Variants in PRC1 observed in about 807,000 individuals in gnomAD.
The protein encoded by PRC1 is protein regulator of cytokinesis 1.
Under a neutral mutation model 91.2 loss-of-function variants are expected in PRC1, and 54 were observed. The ratio of observed to expected loss-of-function variants is 0.59; its 90% CI spans 0.48 to 0.74. PRC1 has a LOEUF of 0.74. PRC1 is among the 30% of genes least tolerant of loss of function. The pLI is 0.00. For missense variants in PRC1, 727 were observed against 746.2 expected, an observed-to-expected ratio of 0.97 and a Z score of 0.30; for synonymous variants, 275 against 263.6, an observed-to-expected ratio of 1.04 and a Z score of -0.42.
chr15:90,969,627 C>A lies in PRC1; in HGVS notation c.1573-4G>T. 1 of 1,586,682 alleles carries A rather than the reference C, an allele frequency of 6.3e-7. No individual in the cohort carries two copies. The stretch of plus-strand genomic sequence containing the variant: ...AACAGGTGGAAGCAGCGACTGGCTG[C>A]AGAGAAAGGAAAGAGATCCATGTAT... On this transcript the variant is annotated splice_region_variant and splice_polypyrimidine_tract_variant and intron_variant, in intron 12 of 14. Transcript: ENST00000394249.
intron 11 of PRC1, chr15:90,973,922 G>T: frequency 2.0e-6 from 1 of 492,536 alleles, no homozygotes; most frequent in Non-Finnish European, 3.6e-6. Context: ...TCAAGAGACC[G>T]GTGCTGGTGC....
In PRC1 at chr15:90,994,529, A is replaced by C; in HGVS notation, c.-112T>G. 1 of 1,447,088 alleles carries C rather than the reference A, an allele frequency of 6.9e-7. No individual in the cohort carries two copies. Among genetic ancestry groups the C allele is most frequent in the Non-Finnish European group, 9.3e-7 (1 of 1,070,800 alleles). The allele number at this position is 1,447,088 out of a possible 1,614,324, so 89.6% of individuals were successfully genotyped here. On this transcript the variant is annotated 5_prime_UTR_variant, in exon 1 of 15. Transcript: ENST00000394249. ...TGTCACTCCGCGTAGCCGCTCCGCGAGCCGTTGAGCCCCGCAAAATTTCAA... is the reference window on the plus strand; with the variant it reads ...TGTCACTCCGCGTAGCCGCTCCGCGCGCCGTTGAGCCCCGCAAAATTTCAA...
intron 1 of PRC1, among the ~76,000 whole-genome samples, chr15:90,991,059 G>A (rs1459162745): frequency 6.6e-6 from 1 of 151,914 alleles, no homozygotes; most frequent in Non-Finnish European, 1.5e-5. Context: ...TTACAGGCGT[G>A]AGCCACTGTG....
chr15:90,977,135 A>T (rs1302868091), intron 8 of PRC1: 3 of 152,966 alleles, frequency 2.0e-5, no homozygotes, highest in Non-Finnish European at 2.9e-5. Flanking sequence ...AAAAAAAAAA[A>T]AAAAAGTCAA....
At chr15:90,982,295 A>G (rs1295590272) in intron 3 of PRC1, among the ~76,000 whole-genome samples, 2 of 152,234 alleles carry the variant, frequency 1.3e-5, no homozygotes, top group Non-Finnish European at 2.9e-5. Context: ...TTGTGCAATC[A>G]TAACCATCAC....
intron 9 of PRC1, among the ~76,000 whole-genome samples, chr15:90,976,132 A>G (rs1181078839): frequency 6.6e-6 from 1 of 152,164 alleles, no homozygotes; most frequent in Admixed American, 6.5e-5. Context: ...TCTGTTGCCC[A>G]GGCTGGAGTG....
chr15:90,967,160 T>C lies in PRC1; in HGVS notation c.1834A>G (p.Ile612Val). The C allele has an allele frequency of 6.2e-7, 1 of 1,614,194 alleles. No individual in the cohort carries two copies. The highest frequency in any genetic ancestry group is 1.1e-5 in the South Asian group (1 of 91,088). Residue 612 changes from isoleucine to valine, a missense_variant, in exon 15 of 15, where the codon ATC (isoleucine) becomes GTC (valine). Transcript: ENST00000394249. ...GACTGGATGTTGGTTGAATTGAGGA[T>C]TCCAGAAGTAGCATCAGATTTGGAA... Reference protein sequence around the residue: ...KASKSDATSGILNSTNIQS With the variant: ...KASKSDATSGVLNSTNIQS
At chr15:90,968,909 CTG>C (rs1220904430) in intron 14 of PRC1, 168 bp downstream of exon 14, 2 of 1,426,922 alleles carry the variant, frequency 1.4e-6, no homozygotes, top group African/African-American at 2.9e-5. Context: ...ATTAATTAAT[CTG>C]TTGTGAATGT....
chr15:90,984,573 C>A lies in PRC1; in HGVS notation c.144+120G>T. Reference sequence around the variant, plus strand: ...GACTTCAAAACCAAACCAAACCAAACAGGAAGAGCCTGTGCTATCCTAATG... The same window carrying A: ...GACTTCAAAACCAAACCAAACCAAAAAGGAAGAGCCTGTGCTATCCTAATG... On this transcript the variant is annotated intron_variant, in intron 2 of 14. Coordinates refer to ENST00000394249, the MANE Select transcript of PRC1 (RefSeq NM_003981.4). The surrounding 1 kb of genome is among the most constrained non-coding windows in gnomAD (Gnocchi z 5.1). 7.0e-7 allele frequency: 1 copy of A among 1,427,700 alleles called. No homozygotes were observed. The highest frequency in any genetic ancestry group is 9.4e-7 in the Non-Finnish European group (1 of 1,058,882). The allele number at this position is 1,427,700 out of a possible 1,614,324, so 88.4% of individuals were successfully genotyped here. A position where few individuals can be genotyped will look rare whatever the true frequency, so the allele number is the denominator to read the frequency against.
At chr15:90,973,497 A>G (rs985340825) in intron 11 of PRC1, among the ~76,000 whole-genome samples, 3 of 152,050 alleles carry the variant, frequency 2.0e-5, no homozygotes, top group Non-Finnish European at 4.4e-5. Flanking sequence ...GAAAGACCTG[A>G]CCATCCCCCA....
At chr15:90,985,668 C>G (rs1451686617) in intron 1 of PRC1, 1 of 151,916 alleles carries the variant, frequency 6.6e-6, no homozygotes, top group African/African-American at 2.4e-5. Context: ...AAGTGATTCT[C>G]CTGCTTCAGC....
rs762901689 is a variant in PRC1, at chr15:90,969,423, T to C, written c.1749+24A>G. 1.1e-5 allele frequency: 18 copies of C among 1,570,334 alleles called. No homozygotes were observed. The East Asian group carries it at 3.8e-4, about 33-fold the overall frequency. On this transcript the variant is annotated intron_variant, in intron 13 of 14. Transcript: ENST00000394249. ...CAACTGTGTGCTCCCCAGAGACTGG[T>C]AGATATTAGAAAAGGTGAATTACCG...
intron 8 of PRC1, among the ~76,000 whole-genome samples, chr15:90,978,862 G>A (rs113343095): frequency 0.12 from 17,602 of 151,400 alleles, 1,428 homozygotes; most frequent in East Asian, 0.37. Flanking sequence ...GCCCTGAGCC[G>A]GAGAAGCCTG....
chr15:90,974,775 G>A lies in PRC1; in HGVS notation c.1204-44C>T, dbSNP rs116392383. On this transcript the variant is annotated intron_variant, in intron 9 of 14. Transcript: ENST00000394249. This position sits in a 1 kb window ranked among gnomAD's most constrained non-coding sequence, Gnocchi z 4.6. ...ACATGTTAATTACTTCAACTCTTTA[G>A]TGCAAAGCCCAAATGAAATGATTTC... 1,649 of 1,606,208 alleles carry A rather than the reference G, an allele frequency of 1.0e-3. 23 individuals carry two copies. The African/African-American group carries it at 0.019, about 19-fold the overall frequency.
intron 6 of PRC1, 171 bp from the exon 7 acceptor site, chr15:90,980,560 C>T (rs1200348347): frequency 1.2e-6 from 1 of 834,818 alleles, no homozygotes; most frequent in African/African-American, 1.8e-5. Context: ...ACTCTCTCGC[C>T]CAGACAGGAG....
At position 90,967,037 on chromosome 15, in the gene PRC1, C is replaced by G; in HGVS notation, c.*94G>C. The G allele has an allele frequency of 9.0e-7, 1 of 1,116,250 alleles. No homozygotes were observed. Among genetic ancestry groups the G allele is most frequent in the South Asian group, 1.3e-5 (1 of 75,358 alleles). The allele number at this position is 1,116,250 out of a possible 1,614,324, so 69.1% of individuals were successfully genotyped here. The stretch of plus-strand genomic sequence containing the variant: ...CATGGAACCTGGCCAAGGTTTCAAG[C>G]ACGCCTAAGCTGAAGAAAAACTAAA... On this transcript the variant is annotated 3_prime_UTR_variant, in exon 15 of 15. Transcript: ENST00000394249.
intron 4 of PRC1, 23 bp from the exon 5 acceptor site, chr15:90,981,692 G>C (rs768583323): frequency 6.2e-7 from 1 of 1,610,648 alleles, no homozygotes; most frequent in East Asian, 2.2e-5. Context: ...GCAATTACAA[G>C]ATACCTAGAG....
At chr15:90,991,154 G>C (rs1451960639) in intron 1 of PRC1, among the ~76,000 whole-genome samples, 1 of 151,684 alleles carries the variant, frequency 6.6e-6, no homozygotes, top group Non-Finnish European at 1.5e-5. Context: ...GCGGTGGCTC[G>C]TGTGCAATCC....
Position 90,984,268 on chromosome 15 carries a change from GC to G in PRC1, c.145-129del. The G allele has an allele frequency of 7.6e-7, 1 of 1,309,352 alleles. No individual in the cohort carries two copies. Among genetic ancestry groups the G allele is most frequent in the Non-Finnish European group, 1.0e-6 (1 of 958,942 alleles). The allele number at this position is 1,309,352 out of a possible 1,614,324, so 81.1% of individuals were successfully genotyped here. A position where few individuals can be genotyped will look rare whatever the true frequency, so the allele number is the denominator to read the frequency against. Reference sequence around the variant, plus strand: ...CTTTGAGATGGAGTCTCGCTCTGTTGCCCAGGCTGGAGTGCAATGGCGTGCT... The same window carrying G: ...CTTTGAGATGGAGTCTCGCTCTGTTGCCAGGCTGGAGTGCAATGGCGTGCT... On this transcript the variant is annotated intron_variant, in intron 2 of 14. Coordinates refer to ENST00000394249, the MANE Select transcript of PRC1 (RefSeq NM_003981.4). This position sits in a 1 kb window ranked among gnomAD's most constrained non-coding sequence, Gnocchi z 5.1.
Sources: gnomAD v4.1 joint callset for allele counts (sites outside exome capture counted in the v4.1 genomes callset) on GRCh38, gnomAD v4.1.1 for gene constraint, Gnocchi (gnomAD v3.1) non-coding constraint, MANE v1.5 for transcripts, NCBI Gene and HGNC (gene_info 2026-07-23, HGNC 2026-07-21) for gene names.